STON2: variants seen among roughly 807,000 people sequenced by gnomAD.
The protein encoded by STON2 is stonin-2.
In STON2, 29 loss-of-function variants were observed where a neutral mutation model predicts 65.7. The observed-to-expected ratio is 0.44, with a 90% confidence interval of 0.33 to 0.60. STON2 has a LOEUF of 0.60. STON2 is among the 20% of genes least tolerant of loss of function. The pLI, the probability that STON2 is intolerant of heterozygous loss-of-function variation, is 0.03. For missense variants in STON2, 1,054 were observed against 1,118.1 expected (o/e 0.94, Z 0.82); for synonymous variants, 404 against 414.2 (o/e 0.98, Z 0.30).
chr14:81,392,737 A>G (rs538866469), intron 3 of STON2, among the ~76,000 whole-genome samples: 40 of 152,324 alleles, frequency 2.6e-4, no homozygotes, highest in African/African-American at 8.9e-4. Context: ...ATATGGAGCA[A>G]AAGTGCTTCA....
At chr14:81,321,056 C>CTAATACT (rs1896804391) in intron 5 of STON2, among the ~76,000 whole-genome samples, 1 of 152,138 alleles carries the variant, frequency 6.6e-6, no homozygotes, top group Non-Finnish European at 1.5e-5. Flanking sequence ...ACTTAGAAAA[C>CTAATACT]GCACTAATAC....
At chr14:81,401,795 C>G (rs1029612316), upstream of STON2, among the ~76,000 whole-genome samples, 1 of 152,164 alleles carries the variant, frequency 6.6e-6, no homozygotes, top group Non-Finnish European at 1.5e-5. Flanking sequence ...ATGCAATTGT[C>G]TGATAAGATG....
At chr14:81,313,378 T>C (rs1896500330) in intron 5 of STON2, among the ~76,000 whole-genome samples, 2 of 152,212 alleles carry the variant, frequency 1.3e-5, no homozygotes, top group Admixed American at 6.5e-5. Flanking sequence ...CAGCACCTTC[T>C]GTCGTTTAGT....
intron 3 of STON2, among the ~76,000 whole-genome samples, chr14:81,378,469 G>A (rs769602918): frequency 4.6e-5 from 7 of 152,100 alleles, no homozygotes; most frequent in Non-Finnish European, 7.4e-5. Flanking sequence ...ACCTGCCTTG[G>A]CCTCCCAAAG....
chr14:81,291,459 G>A (rs1430406839), intron 5 of STON2, among the ~76,000 whole-genome samples: 4 of 152,082 alleles, frequency 2.6e-5, no homozygotes, highest in South Asian at 4.1e-4. Flanking sequence ...GGTATAAAAC[G>A]TTTTAGCAGT....
chr14:81,401,248 G>A (rs987927454), upstream of STON2, among the ~76,000 whole-genome samples: 1 of 152,148 alleles, frequency 6.6e-6, no homozygotes. Flanking sequence ...TATAGATATA[G>A]GTGCATTCTG....
At chr14:81,356,593 T>C (rs1462314150) in intron 4 of STON2, among the ~76,000 whole-genome samples, 14 of 152,168 alleles carry the variant, frequency 9.2e-5, no homozygotes, top group Non-Finnish European at 1.6e-4. Context: ...GTACCAGTTC[T>C]TCCTTGTACC....
intron 4 of STON2, among the ~76,000 whole-genome samples, chr14:81,357,781 C>T (rs8011609): frequency 0.32 from 48,857 of 151,094 alleles, 8,153 homozygotes; most frequent in South Asian, 0.44. Context: ...AGTAAACTAT[C>T]GCAAGAACAA....
chr14:81,338,667 T>G (rs541707363), intron 4 of STON2, among the ~76,000 whole-genome samples: 1 of 152,292 alleles, frequency 6.6e-6, no homozygotes, highest in Non-Finnish European at 1.5e-5. Flanking sequence ...GACTGAGTCC[T>G]CAGCCTGCAG....
Position 81,278,376 on chromosome 14 carries a change from G to A in STON2, c.1106C>T (p.Thr369Ile). 6.2e-7 allele frequency: 1 copy of A among 1,614,216 alleles called. No homozygotes were observed. The highest frequency in any genetic ancestry group is 1.1e-5 in the South Asian group (1 of 91,084). ...SVTEASPWRA[T>I]NPFLNETLQD... Reference sequence around the variant, plus strand: ...CAGAGTCTCATTCAGGAAAGGGTTGGTTGCCCTCCAAGGTGAAGCCTCAGT... The same window carrying A: ...CAGAGTCTCATTCAGGAAAGGGTTGATTGCCCTCCAAGGTGAAGCCTCAGT... Residue 369 changes from threonine to isoleucine, a missense_variant, in exon 6 of 8, where the codon ACC becomes ATC. Transcript: ENST00000614646.
intron 2 of STON2, among the ~76,000 whole-genome samples, chr14:81,410,555 A>G (rs1336125008): frequency 6.6e-6 from 1 of 152,226 alleles, no homozygotes; most frequent in Non-Finnish European, 1.5e-5. Context: ...AATAGGCCAT[A>G]GCCTGAAGGG....
chr14:81,280,129 G>A (rs1895046194), intron 5 of STON2, among the ~76,000 whole-genome samples: 1 of 152,104 alleles, frequency 6.6e-6, no homozygotes, highest in African/African-American at 2.4e-5. Context: ...CCATCTCGAA[G>A]TTTATTTTTT....
intron 2 of STON2, among the ~76,000 whole-genome samples, chr14:81,415,195 C>A (rs1029247716): frequency 6.6e-6 from 1 of 151,678 alleles, no homozygotes; most frequent in African/African-American, 2.4e-5. Context: ...CTTTTGCCAT[C>A]CTATAGATGA....
In STON2 at chr14:81,268,108, G is replaced by C; in HGVS notation, c.*306C>G. On this transcript the variant is annotated 3_prime_UTR_variant, in exon 8 of 8. Coordinates refer to ENST00000614646, the MANE Select transcript of STON2 (RefSeq NM_001394390.1). ...AACAGTCACAACAAACCACATACCA[G>C]TGCTGTGAGATAAGCAGAGACAAGA... The C allele has an allele frequency of 9.6e-7, 1 of 1,044,230 alleles. No homozygotes were observed. Among genetic ancestry groups the C allele is most frequent in the Non-Finnish European group, 1.2e-6 (1 of 865,746 alleles). 64.7% of individuals were successfully genotyped at this position (1,044,230 alleles called of 1,614,324 possible). A position where few individuals can be genotyped will look rare whatever the true frequency, so the allele number is the denominator to read the frequency against.
chr14:81,262,783 A>G lies in STON2; in HGVS notation c.*5631T>C, dbSNP rs541943404. 1.0e-6 allele frequency: 1 copy of G among 985,420 alleles called. No homozygotes were observed. Among genetic ancestry groups the G allele is most frequent in the South Asian group, 4.7e-5 (1 of 21,294 alleles). The allele number at this position is 985,420 out of a possible 1,614,324, so 61.0% of individuals were successfully genotyped here. On this transcript the variant is annotated 3_prime_UTR_variant, in exon 8 of 8. Transcript: ENST00000614646. ...ACTAGAAGAAATGTAAAAATCTCAC[A>G]TTCTTGTTCTAGTTAATACATGGGA...
intron 5 of STON2, among the ~76,000 whole-genome samples, chr14:81,302,074 G>A (rs1210542322): frequency 6.6e-6 from 1 of 152,164 alleles, no homozygotes; most frequent in Non-Finnish European, 1.5e-5. Flanking sequence ...TTAGAAGGCT[G>A]GAGGCGAGGA....
chr14:81,307,768 C>G (rs1327986333), intron 5 of STON2, among the ~76,000 whole-genome samples: 1 of 152,182 alleles, frequency 6.6e-6, no homozygotes, highest in Non-Finnish European at 1.5e-5. Flanking sequence ...TTATGCTTTT[C>G]TTAATAACAT....
chr14:81,391,765 A>G (rs1900089644), intron 3 of STON2, among the ~76,000 whole-genome samples: 1 of 152,092 alleles, frequency 6.6e-6, no homozygotes, highest in Non-Finnish European at 1.5e-5. Flanking sequence ...GGCCCTCCAC[A>G]TGGTTTATTT....
chr14:81,330,151 C>T (rs1216921256), intron 4 of STON2, among the ~76,000 whole-genome samples: 2 of 152,316 alleles, frequency 1.3e-5, no homozygotes, highest in East Asian at 3.9e-4. Context: ...CTTAGCACTC[C>T]CCTGGTTATT....
Sources: allele counts gnomAD v4.1 joint callset (sites outside exome capture counted in the v4.1 genomes callset), GRCh38; gene constraint gnomAD v4.1.1; transcripts MANE v1.5; gene names NCBI Gene and HGNC (gene_info 2026-07-23, HGNC 2026-07-21).